FAM241A: variants seen among roughly 807,000 people sequenced by gnomAD.
FAM241A encodes the protein family with sequence similarity 241 member A, also known as uncharacterized protein FAM241A.
A neutral mutation model predicts 12.2 loss-of-function variants in FAM241A; 7 were observed. The ratio of observed to expected loss-of-function variants is 0.58; its 90% CI spans 0.33 to 1.08. The LOEUF is 1.08. FAM241A is among the 50% of genes least tolerant of loss of function. The probability of loss-of-function intolerance (pLI) is 0.04; values close to 1 mark genes in which losing one functional copy is unlikely to be tolerated. For missense variants in FAM241A, 161 were observed against 169.7 expected, an observed-to-expected ratio of 0.95 and a Z score of 0.29; for synonymous variants, 74 against 68.2, an observed-to-expected ratio of 1.08 and a Z score of -0.42.
chr4:112,152,833 G>T (rs1023998820), intron 1 of FAM241A, among the ~76,000 whole-genome samples: 1 of 152,044 alleles, frequency 6.6e-6, no homozygotes, highest in Non-Finnish European at 1.5e-5. Flanking sequence ...TACTTAATCC[G>T]TCAGAGATTC....
chr4:112,187,681 C>T lies in FAM241A; in HGVS notation c.*743C>T, dbSNP rs1233247456. ...TTTGTGAGTTTTTAAAGTCTCATAG[C>T]CTAGTTGACTGCACCCTATGGTAAT... is the stretch of plus-strand genomic sequence containing the variant. On this transcript the variant is annotated 3_prime_UTR_variant, in exon 2 of 2. Transcript: ENST00000309733. The T allele has an allele frequency of 2.0e-5, 3 of 152,420 alleles. No individual in the cohort carries two copies. Among genetic ancestry groups the T allele is most frequent in the East Asian group, 1.9e-4 (1 of 5,196 alleles). The allele number at this position is 152,420 out of a possible 1,614,324, so 9.4% of individuals were successfully genotyped here. A position where few individuals can be genotyped will look rare whatever the true frequency, so the allele number is the denominator to read the frequency against.
intron 1 of FAM241A, among the ~76,000 whole-genome samples, chr4:112,150,318 G>A (rs1174556875): frequency 5.3e-5 from 8 of 151,968 alleles, no homozygotes; most frequent in South Asian, 2.1e-4. Flanking sequence ...TTTGTTGGTG[G>A]TTTCTAGCTA....
chr4:112,173,386 C>T (rs1218540145), intron 1 of FAM241A, among the ~76,000 whole-genome samples: 1 of 151,998 alleles, frequency 6.6e-6, no homozygotes, highest in Non-Finnish European at 1.5e-5. Context: ...GTATTGAAAG[C>T]AACTAAGGAA....
Position 112,166,993 on chromosome 4 carries a change from A to G in FAM241A, c.154-19700A>G, listed in dbSNP as rs1043002227. Among the ~76,000 whole-genome samples, 51 of 107,486 alleles carry G rather than the reference A, an allele frequency of 4.7e-4. 9 individuals carry two copies. The highest frequency in any genetic ancestry group is 3.1e-4 in the Non-Finnish European group (17 of 54,754). 70.5% of individuals were successfully genotyped at this position (107,486 alleles called of 152,430 possible). A position where few individuals can be genotyped will look rare whatever the true frequency, so the allele number is the denominator to read the frequency against. On this transcript the variant is annotated intron_variant, in intron 1 of 1. Coordinates refer to ENST00000309733, the MANE Select transcript of FAM241A (RefSeq NM_152400.3). ...GCCGGGCGTAGTGGCGGGCGCCTGTAGTCCCAGCTACTTGGGAGGCTGAGG... is the reference window on the plus strand; with the variant it reads ...GCCGGGCGTAGTGGCGGGCGCCTGTGGTCCCAGCTACTTGGGAGGCTGAGG...
At chr4:112,186,243 C>G (rs1724036281) in intron 1 of FAM241A, among the ~76,000 whole-genome samples, 1 of 152,070 alleles carries the variant, frequency 6.6e-6, no homozygotes, top group South Asian at 2.1e-4. Context: ...GGAAACTATG[C>G]AAGGGCCTGC....
chr4:112,171,349 A>C (rs1261781101), intron 1 of FAM241A: 1 of 755,576 alleles, frequency 1.3e-6, no homozygotes, highest in Non-Finnish European at 2.4e-6. Context: ...GACAAGAAGC[A>C]GAGTGACTAT....
intron 1 of FAM241A, among the ~76,000 whole-genome samples, chr4:112,162,067 T>C (rs1723483404): frequency 6.6e-6 from 1 of 152,206 alleles, no homozygotes; most frequent in Non-Finnish European, 1.5e-5. Flanking sequence ...ACCACATGAT[T>C]ATCTCAAGAG....
chr4:112,185,870 A>G (rs1235436228), intron 1 of FAM241A, among the ~76,000 whole-genome samples: 2 of 152,176 alleles, frequency 1.3e-5, no homozygotes, highest in Non-Finnish European at 2.9e-5. Flanking sequence ...ACTTAACAGG[A>G]TTAAGAAACC....
At chr4:112,183,548 G>T (rs1723984712) in intron 1 of FAM241A, among the ~76,000 whole-genome samples, 1 of 151,678 alleles carries the variant, frequency 6.6e-6, no homozygotes, top group Non-Finnish European at 1.5e-5. Flanking sequence ...CCTTCAGACA[G>T]TACCTACCAC....
chr4:112,164,990 G>T (rs1438509960), intron 1 of FAM241A, among the ~76,000 whole-genome samples: 1 of 152,080 alleles, frequency 6.6e-6, no homozygotes, highest in Admixed American at 6.6e-5. Context: ...TCAGCTATTT[G>T]GGAGGCTGAG....
Position 112,188,444 on chromosome 4 carries a change from T to G in FAM241A, c.*1506T>G, listed in dbSNP as rs530059197. 1 of 152,328 alleles carries G rather than the reference T, an allele frequency of 6.6e-6. No homozygotes were observed. The highest frequency in any genetic ancestry group is 2.1e-4 in the South Asian group (1 of 4,826). The allele number at this position is 152,328 out of a possible 1,614,324, so 9.4% of individuals were successfully genotyped here. A position where few individuals can be genotyped will look rare whatever the true frequency, so the allele number is the denominator to read the frequency against. On this transcript the variant is annotated 3_prime_UTR_variant, in exon 2 of 2. Coordinates refer to ENST00000309733, the MANE Select transcript of FAM241A (RefSeq NM_152400.3). Reference sequence around the variant, plus strand: ...AGATAATCCTAAACAAAAATGTTAGTCAGGGTCACTAAAAAGTATTGCACA... The same window carrying G: ...AGATAATCCTAAACAAAAATGTTAGGCAGGGTCACTAAAAAGTATTGCACA...
At position 112,190,080 on chromosome 4, in the gene FAM241A, T is replaced by G. The variant is rs961753521; in HGVS notation, c.*3142T>G. 1 of 152,216 alleles carries G rather than the reference T, an allele frequency of 6.6e-6. No homozygotes were observed. The highest frequency in any genetic ancestry group is 2.4e-5 in the African/African-American group (1 of 41,462). 9.4% of individuals were successfully genotyped at this position (152,216 alleles called of 1,614,324 possible). The stretch of plus-strand genomic sequence containing the variant: ...TATCTTCTGACCAACAAATCTCTAT[T>G]TAATCATGTTTTGACCACAGAAAAT... On this transcript the variant is annotated 3_prime_UTR_variant, in exon 2 of 2. Transcript: ENST00000309733.
In FAM241A at chr4:112,186,934, A is replaced by G. The variant is rs571639524; in HGVS notation, c.395A>G (p.Gln132Arg). The change falls in exon 2 of 2, where the codon CAG becomes CGG. Residue 132 changes from glutamine (Q) to arginine (R), a missense_variant. Physicochemically the swap from Gln to Arg is conservative, Grantham distance 43 (BLOSUM62 1). Transcript: ENST00000309733. ...TGCCTTGTTATTATTTATGTGCAAC[A>G]GTAAAACATGGCCGAATTGAATTGT... ...VLCLVIIYVQQ is the reference protein window; with the variant it reads ...VLCLVIIYVQR 3.1e-6 allele frequency: 5 copies of G among 1,610,958 alleles called. No individual in the cohort carries two copies. In the African/African-American group the frequency reaches 5.3e-5, roughly 17 times the overall value.
At chr4:112,158,880 A>G (rs1723406207) in intron 1 of FAM241A, among the ~76,000 whole-genome samples, 1 of 152,096 alleles carries the variant, frequency 6.6e-6, no homozygotes, top group African/African-American at 2.4e-5. Context: ...GAAATATACA[A>G]TATATTGCTG....
intron 1 of FAM241A, chr4:112,171,635 G>A (rs1404961952): frequency 9.6e-6 from 5 of 519,648 alleles, no homozygotes; most frequent in South Asian, 1.9e-5. Flanking sequence ...CGAGGCGGGC[G>A]AATCACGAGG....
intron 1 of FAM241A, among the ~76,000 whole-genome samples, chr4:112,174,752 G>A (rs951172107): frequency 2.6e-5 from 4 of 152,170 alleles, no homozygotes; most frequent in East Asian, 3.9e-4. Flanking sequence ...GGTAGGATAC[G>A]GGGTAGACTT....
At chr4:112,153,760 A>G (rs1723295571) in intron 1 of FAM241A, among the ~76,000 whole-genome samples, 1 of 152,330 alleles carries the variant, frequency 6.6e-6, no homozygotes, top group Admixed American at 6.5e-5. Flanking sequence ...TCTTAGGGCA[A>G]CAACTGCAGC....
In FAM241A at chr4:112,192,735, C is replaced by G. The variant is rs1724191897; in HGVS notation, c.*5797C>G. 1 of 150,838 alleles carries G rather than the reference C, an allele frequency of 6.6e-6. No individual in the cohort carries two copies. Among genetic ancestry groups the G allele is most frequent in the South Asian group, 2.1e-4 (1 of 4,772 alleles). 9.3% of individuals were successfully genotyped at this position (150,838 alleles called of 1,614,324 possible). On this transcript the variant is annotated 3_prime_UTR_variant, in exon 2 of 2. Coordinates refer to ENST00000309733, the MANE Select transcript of FAM241A (RefSeq NM_152400.3). ...TGTATATGTGCCACATTTTCTTAAT[C>G]CAGTCTATCATTGTTGGACATTTGG...
At chr4:112,184,537 A>G (rs56804020) in intron 1 of FAM241A, among the ~76,000 whole-genome samples, 13,458 of 152,208 alleles carry the variant, frequency 0.088, 709 homozygotes, top group South Asian at 0.13. Context: ...AAAAAAAAAA[A>G]TTATATAAAA....
Sources: gnomAD v4.1 joint callset for allele counts (sites outside exome capture counted in the v4.1 genomes callset) on GRCh38, gnomAD v4.1.1 for gene constraint, MANE v1.5 for transcripts, NCBI Gene and HGNC (gene_info 2026-07-23, HGNC 2026-07-21) for gene names.